Variants in PCDHGA3 observed in about 807,000 individuals in gnomAD.
PCDHGA3 encodes protocadherin gamma subfamily A, 3, also known as protocadherin gamma-A3.
In PCDHGA3, 40 loss-of-function variants were observed where a neutral mutation model predicts 58.5. That is an observed-to-expected ratio of 0.68 (90% CI 0.53 to 0.89). The LOEUF (loss-of-function observed/expected upper bound fraction) is 0.89. Among genes scored for constraint, PCDHGA3 ranks in the 40% least tolerant of loss-of-function variants. The pLI, the probability that PCDHGA3 is intolerant of heterozygous loss-of-function variation, is 0.00. For missense variants in PCDHGA3, 1,223 were observed against 1,195.9 expected (o/e 1.02, Z -0.33); for synonymous variants, 530 against 525.7 (o/e 1.01, Z -0.11).
chr5:141,502,062 A>G (rs530211521), intron 2 of PCDHGA3, among the ~76,000 whole-genome samples: 2 of 152,146 alleles, frequency 1.3e-5, no homozygotes, highest in South Asian at 4.2e-4. Flanking sequence ...TATTCCCATT[A>G]GCCCCCTTCA....
chr5:141,419,420 G>C (rs774685112), intron 1 of PCDHGA3: 10 of 1,613,372 alleles, frequency 6.2e-6, no homozygotes, highest in Non-Finnish European at 7.6e-6. Flanking sequence ...GCGCGCCTTC[G>C]ACCACGAGCA....
At chr5:141,404,100 T>G in intron 1 of PCDHGA3, 1 of 1,613,618 alleles carries the variant, frequency 6.2e-7, no homozygotes, top group African/African-American at 1.3e-5. Context: ...GGTCAAGTTG[T>G]CTGTTCTATC....
Position 141,372,293 on chromosome 5 carries a change from C to A in PCDHGA3, c.2424+25836C>A, listed in dbSNP as rs779422890. Reference sequence around the variant, plus strand: ...AGGTGCGCACGGCGCGTACCTTGGGCGACAGGGAGGCCGCCCGCCAGCGCC... The same window carrying A: ...AGGTGCGCACGGCGCGTACCTTGGGAGACAGGGAGGCCGCCCGCCAGCGCC... On this transcript the variant is annotated intron_variant, in intron 1 of 3. Coordinates refer to ENST00000253812, the MANE Select transcript of PCDHGA3 (RefSeq NM_018916.4). 1.9e-6 allele frequency: 3 copies of A among 1,613,106 alleles called. No homozygotes were observed. In the East Asian group the frequency reaches 6.7e-5, roughly 36 times the overall value.
At chr5:141,480,649 C>A (rs2099522804) in intron 1 of PCDHGA3, among the ~76,000 whole-genome samples, 1 of 152,184 alleles carries the variant, frequency 6.6e-6, no homozygotes, top group Non-Finnish European at 1.5e-5. Flanking sequence ...AACTTGGTTG[C>A]ACATTAAAAT....
chr5:141,359,986 G>T (rs1403272026), intron 1 of PCDHGA3: 1 of 913,802 alleles, frequency 1.1e-6, no homozygotes. Flanking sequence ...CTCTTAGAGG[G>T]GAACTTCCTG....
chr5:141,491,980 C>T lies in PCDHGA3; in HGVS notation c.2425-2827C>T. ...AAAAAAGGCCGGGGCCTCCTTCGAG[C>T]TTCCGGTGAATTTCGGGCGATTTCC... On this transcript the variant is annotated intron_variant, in intron 1 of 3. Transcript: ENST00000253812. The surrounding 1 kb of genome is among the most constrained non-coding windows in gnomAD (Gnocchi z 6.9). The T allele has an allele frequency of 2.5e-6, 2 of 784,432 alleles. No individual in the cohort carries two copies. The highest frequency in any genetic ancestry group is 3.8e-6 in the Non-Finnish European group (2 of 530,588). 48.6% of individuals were successfully genotyped at this position (784,432 alleles called of 1,614,324 possible). A position where few individuals can be genotyped will look rare whatever the true frequency, so the allele number is the denominator to read the frequency against.
Position 141,361,043 on chromosome 5 carries a change from C to G in PCDHGA3, c.2424+14586C>G. On this transcript the variant is annotated intron_variant, in intron 1 of 3. Coordinates refer to ENST00000253812, the MANE Select transcript of PCDHGA3 (RefSeq NM_018916.4). The stretch of plus-strand genomic sequence containing the variant: ...AATGAAAAAACAGGAGAAATCACGA[C>G]AAAGGATGATTTGGATTTTGAGATT... 2.5e-6 allele frequency: 4 copies of G among 1,613,524 alleles called. No homozygotes were observed. In the South Asian group the frequency reaches 3.3e-5, roughly 13 times the overall value.
rs200873701 is a variant in PCDHGA3, at chr5:141,375,789, C to T, written c.2424+29332C>T. ...GAGATCCTGTACCCCGCCCTCCCCA[C>T]AGACGGTTCCACTGGCGTGGAGCTG... On this transcript the variant is annotated intron_variant, in intron 1 of 3. Coordinates refer to ENST00000253812, the MANE Select transcript of PCDHGA3 (RefSeq NM_018916.4). The T allele has an allele frequency of 7.9e-5, 128 of 1,614,258 alleles. No individual in the cohort carries two copies. The Middle Eastern group carries it at 1.8e-3, about 23-fold the overall frequency.
intron 1 of PCDHGA3, chr5:141,422,519 C>T (rs1297821851): frequency 6.2e-7 from 1 of 1,613,968 alleles, no homozygotes; most frequent in African/African-American, 1.3e-5. Context: ...CAGGGAAGCC[C>T]GCCTTTGTCT....
rs1422052114 is a variant in PCDHGA3, at chr5:141,511,168, A to T, written c.2794A>T (p.Lys932Ter). The change falls in exon 4 of 4, where the codon AAG (lysine) becomes TAG (stop). Residue 932 changes from lysine to a stop codon, truncating the protein, a stop_gained. Coordinates refer to ENST00000253812, the MANE Select transcript of PCDHGA3 (RefSeq NM_018916.4). LOFTEE classifies it high-confidence loss of function. ...GAAGAAGTCGGGCAAGAAGGAGAAG[A>T]AGTAACATGGAGGCCAGGCCAAGAG... is the stretch of plus-strand genomic sequence containing the variant. The part of the protein sequence containing the change: ...NKKKSGKKEK[K>*] 1.4e-5 allele frequency: 22 copies of T among 1,614,038 alleles called. No individual in the cohort carries two copies. The highest frequency in any genetic ancestry group is 1.7e-5 in the Non-Finnish European group (20 of 1,180,008).
At chr5:141,418,815 T>A in intron 1 of PCDHGA3, 1 of 1,613,864 alleles carries the variant, frequency 6.2e-7, no homozygotes, top group East Asian at 2.2e-5. Flanking sequence ...ACGATAAACA[T>A]AGAAGCAAAA....
Position 141,379,889 on chromosome 5 carries a change from C to CTTTTTTTTTTTTTTTTTTTTTTTTTTT in PCDHGA3, c.2424+33436_2424+33462dup, listed in dbSNP as rs70988800. Among the ~76,000 whole-genome samples the CTTTTTTTTTTTTTTTTTTTTTTTTTTT allele has an allele frequency of 2.4e-4, 12 of 50,832 alleles. 1 individual carries two copies. The highest frequency in any genetic ancestry group is 4.0e-4 in the African/African-American group (6 of 15,086). 33.3% of individuals were successfully genotyped at this position (50,832 alleles called of 152,430 possible). A position where few individuals can be genotyped will look rare whatever the true frequency, so the allele number is the denominator to read the frequency against. On this transcript the variant is annotated intron_variant, in intron 1 of 3. Coordinates refer to ENST00000253812, the MANE Select transcript of PCDHGA3 (RefSeq NM_018916.4). ...CTTATTTTATGGTCTGTGAAAGCCT[C>CTTTTTTTTTTTTTTTTTTTTTTTTTTT]TTTTTTTTTTTTTTTTTTTTTTTTT...
intron 1 of PCDHGA3, among the ~76,000 whole-genome samples, chr5:141,484,358 G>A (rs2099595185): frequency 6.6e-6 from 1 of 152,160 alleles, no homozygotes; most frequent in South Asian, 2.1e-4. Flanking sequence ...AGTGTATCTA[G>A]TGTATCACTA....
intron 1 of PCDHGA3, among the ~76,000 whole-genome samples, chr5:141,406,361 T>C (rs2094800900): frequency 6.6e-6 from 1 of 152,194 alleles, no homozygotes; most frequent in African/African-American, 2.4e-5. Flanking sequence ...ACTATGTTTG[T>C]AAGGGTAAAC....
At position 141,432,816 on chromosome 5, in the gene PCDHGA3, C is replaced by A. The variant is rs778545682; in HGVS notation, c.2425-61991C>A. Reference sequence around the variant, plus strand: ...CTCGAGTCTCCAGCTAACTCTGAAACCTCAGACCTCACTCTGTACCTGGTG... The same window carrying A: ...CTCGAGTCTCCAGCTAACTCTGAAAACTCAGACCTCACTCTGTACCTGGTG... On this transcript the variant is annotated intron_variant, in intron 1 of 3. Transcript: ENST00000253812. The surrounding 1 kb of genome is among the most constrained non-coding windows in gnomAD (Gnocchi z 6.0). The A allele has an allele frequency of 7.6e-5, 122 of 1,614,044 alleles. No individual in the cohort carries two copies. The highest frequency in any genetic ancestry group is 3.3e-5 in the Admixed American group (2 of 60,012).
intron 1 of PCDHGA3, chr5:141,393,407 CG>C: frequency 5.0e-6 from 8 of 1,614,056 alleles, no homozygotes; most frequent in Non-Finnish European, 6.8e-6. Context: ...TGCTGGAGCG[CG>C]CCCTGGACAG....
chr5:141,403,242 C>A, intron 1 of PCDHGA3: 1 of 1,613,932 alleles, frequency 6.2e-7, no homozygotes, highest in Non-Finnish European at 8.5e-7. Flanking sequence ...GAGCTCTGTG[C>A]TCAGAGCCCG....
intron 2 of PCDHGA3, among the ~76,000 whole-genome samples, chr5:141,496,116 C>G (rs1435887981): frequency 6.6e-6 from 1 of 152,178 alleles, no homozygotes; most frequent in Middle Eastern, 3.4e-3. Flanking sequence ...TCTCTTCCTT[C>G]CCTGCCCCTC....
rs780541121 is a variant in PCDHGA3 at position 141,477,533 on chromosome 5, G to A, written c.2425-17274G>A. ...TTACATTGAAGAAAACAACCTCCCCGGGGCTCCAATACTAAACCTAAGTGT... is the reference window on the plus strand; with the variant it reads ...TTACATTGAAGAAAACAACCTCCCCAGGGCTCCAATACTAAACCTAAGTGT... On this transcript the variant is annotated intron_variant, in intron 1 of 3. Coordinates refer to ENST00000253812, the MANE Select transcript of PCDHGA3 (RefSeq NM_018916.4). This position sits in a 1 kb window ranked among gnomAD's most constrained non-coding sequence, Gnocchi z 4.9. The A allele has an allele frequency of 6.2e-7, 1 of 1,614,010 alleles. No individual in the cohort carries two copies. The highest frequency in any genetic ancestry group is 1.1e-5 in the South Asian group (1 of 91,066).
Sources: gnomAD v4.1 joint callset for allele counts (sites outside exome capture counted in the v4.1 genomes callset) on GRCh38, gnomAD v4.1.1 for gene constraint, Gnocchi (gnomAD v3.1) non-coding constraint, MANE v1.5 for transcripts, NCBI Gene and HGNC (gene_info 2026-07-23, HGNC 2026-07-21) for gene names.